The following NR1D2 variants were observed in gnomAD, a reference collection of about 807,000 sequenced individuals.
NR1D2 encodes nuclear receptor subfamily 1 group D member 2.
A neutral mutation model predicts 52.2 loss-of-function variants in NR1D2; 25 were observed. The observed-to-expected ratio is 0.48, with a 90% CI of 0.35 to 0.67. The LOEUF (loss-of-function observed/expected upper bound fraction) is 0.67. Among genes scored for constraint, NR1D2 ranks in the 30% least tolerant of loss-of-function variants. NR1D2 has a pLI of 0.01. For missense variants in NR1D2, 681 were observed against 707.2 expected (o/e 0.96, Z 0.42); for synonymous variants, 259 against 230.1 (o/e 1.13, Z -1.14).
intron 1 of NR1D2, among the ~76,000 whole-genome samples, chr3:23,945,824 G>GGCCCC (rs1312889418): frequency 1.3e-5 from 2 of 150,510 alleles, no homozygotes; most frequent in African/African-American, 4.9e-5. Flanking sequence ...CGCCCGGCCC[G>GGCCCC]GCCCCCCCCT....
chr3:23,946,156 G>T, intron 1 of NR1D2: 1 of 985,168 alleles, frequency 1.0e-6, no homozygotes, highest in Non-Finnish European at 1.2e-6. Flanking sequence ...CTGCGGAGGA[G>T]GCCGCGCGTG....
chr3:23,954,718 C>G lies in NR1D2; in HGVS notation c.198C>G (p.Ile66Met). ...GTGATCTCGCCAATATTGAAGGCAT[C>G]TTGAAGAATGATCGAATAGATTGTT... ...KNGDLANIEG[I>M]LKNDRIDCSM... The change falls in exon 2 of 8, where the codon ATC becomes ATG. Residue 66 changes from isoleucine (I) to methionine (M), a missense_variant. Physicochemically the swap from Ile to Met is conservative, Grantham distance 10 (BLOSUM62 1). Transcript: ENST00000312521. 6.2e-7 allele frequency: 1 copy of G among 1,614,046 alleles called. No individual in the cohort carries two copies. Among genetic ancestry groups the G allele is most frequent in the South Asian group, 1.1e-5 (1 of 91,084 alleles).
chr3:23,958,936 A>C (rs1706159013), intron 3 of NR1D2, among the ~76,000 whole-genome samples: 1 of 152,204 alleles, frequency 6.6e-6, no homozygotes, highest in East Asian at 1.9e-4. Context: ...GCTACAGAGC[A>C]AGAGTCTGTC....
Position 23,968,020 on chromosome 3 carries a change from G to A in NR1D2, c.1540G>A (p.Ala514Thr). Reference sequence around the variant, plus strand: ...GTTTACAGCTGTTGTCCTGGTATCTGCAGGTAAGCAAGCTGGTTCAAAATT... The same window carrying A: ...GTTTACAGCTGTTGTCCTGGTATCTACAGGTAAGCAAGCTGGTTCAAAATT... Reference protein sequence around the residue: ...SLFTAVVLVSADRSGIENVNS... With the variant: ...SLFTAVVLVSTDRSGIENVNS... Residue 514 changes from alanine (A) to threonine (T), a missense_variant, in exon 7 of 8, where the codon GCA (alanine) becomes ACA (threonine). Transcript: ENST00000312521. 1 of 1,613,792 alleles carries A rather than the reference G, an allele frequency of 6.2e-7. No individual in the cohort carries two copies. Among genetic ancestry groups the A allele is most frequent in the Non-Finnish European group, 8.5e-7 (1 of 1,179,670 alleles).
At chr3:23,970,828 C>G (rs1706568101) in intron 7 of NR1D2, among the ~76,000 whole-genome samples, 1 of 152,112 alleles carries the variant, frequency 6.6e-6, no homozygotes, top group African/African-American at 2.4e-5. Flanking sequence ...GCTGCCCAGG[C>G]TGGAGTGCAA....
At chr3:23,947,407 C>G (rs1417165931) in intron 1 of NR1D2, among the ~76,000 whole-genome samples, 1 of 152,152 alleles carries the variant, frequency 6.6e-6, no homozygotes, top group Admixed American at 6.5e-5. Context: ...TCTCTTTGTC[C>G]TTGCCCAGCA....
rs368619627 is a variant in NR1D2, at chr3:23,965,203, T to C, written c.1332+41T>C. Reference sequence around the variant, plus strand: ...CCTGAATATTGATGCAGGCAGGGCATGTAGTATTTTATTTTCATGGATGTT... The same window carrying C: ...CCTGAATATTGATGCAGGCAGGGCACGTAGTATTTTATTTTCATGGATGTT... On this transcript the variant is annotated intron_variant, in intron 6 of 7. Transcript: ENST00000312521. 3.7e-5 allele frequency: 50 copies of C among 1,335,258 alleles called. No individual in the cohort carries two copies. The African/African-American group carries it at 7.3e-4, about 20-fold the overall frequency. The allele number at this position is 1,335,258 out of a possible 1,614,324, so 82.7% of individuals were successfully genotyped here.
rs371267256 is a variant in NR1D2 at position 23,965,235 on chromosome 3, C to CTTT, written c.1332+93_1332+95dup. ...TTTTATTTTCATGGATGTTTTAATTCTTTTTTTTTTTTTTTTTTTTTTGAG... is the reference window on the plus strand; with the variant it reads ...TTTTATTTTCATGGATGTTTTAATTCTTTTTTTTTTTTTTTTTTTTTTTTTGAG... On this transcript the variant is annotated intron_variant, in intron 6 of 7. Transcript: ENST00000312521. 4.9e-3 allele frequency: 1,503 copies of CTTT among 308,672 alleles called. 4 individuals carry two copies. Among genetic ancestry groups the CTTT allele is most frequent in the African/African-American group, 7.0e-3 (186 of 26,716 alleles). The allele number at this position is 308,672 out of a possible 1,614,324, so 19.1% of individuals were successfully genotyped here.
chr3:23,969,234 C>T (rs1391444871), intron 7 of NR1D2, among the ~76,000 whole-genome samples: 2 of 151,566 alleles, frequency 1.3e-5, no homozygotes, highest in South Asian at 2.1e-4. Flanking sequence ...GGCCGTGAGC[C>T]GAGATCACAC....
chr3:23,945,462 G>A lies in NR1D2; in HGVS notation c.-117G>A, dbSNP rs1233734775. On this transcript the variant is annotated 5_prime_UTR_variant, in exon 1 of 8. Coordinates refer to ENST00000312521, the MANE Select transcript of NR1D2 (RefSeq NM_005126.5). ...GGAGCCCCGCCCGCTCTGCCCATGA[G>A]GGGGCCCCGCGACCACCGCTGCTTC... is the stretch of plus-strand genomic sequence containing the variant. 4.6e-5 allele frequency: 23 copies of A among 501,270 alleles called. No individual in the cohort carries two copies. The highest frequency in any genetic ancestry group is 1.7e-4 in the South Asian group (2 of 11,986). The allele number at this position is 501,270 out of a possible 1,614,324, so 31.1% of individuals were successfully genotyped here. A position where few individuals can be genotyped will look rare whatever the true frequency, so the allele number is the denominator to read the frequency against.
At chr3:23,950,903 T>TTTTTTTTTTTTTTTTTTTTTC (rs1705911114) in intron 1 of NR1D2, among the ~76,000 whole-genome samples, 1 of 73,296 alleles carries the variant, frequency 1.4e-5, no homozygotes, top group Non-Finnish European at 2.7e-5. Context: ...TTTCTTTTTC[T>TTTTTTTTTTTTTTTTTTTTTC]TTTTTTTTTT....
chr3:23,950,232 G>GTT (rs1348410471), intron 1 of NR1D2, among the ~76,000 whole-genome samples: 2 of 152,222 alleles, frequency 1.3e-5, no homozygotes. Context: ...AGACCACTCA[G>GTT]GTTTAGAAAG....
In NR1D2 at chr3:23,969,050, T is replaced by C. The variant is rs142709131; in HGVS notation, c.1543+1027T>C. Among the ~76,000 whole-genome samples, 941 of 152,192 alleles carry C rather than the reference T, an allele frequency of 6.2e-3. 8 individuals carry two copies. The highest frequency in any genetic ancestry group is 0.021 in the African/African-American group (880 of 41,538). Reference sequence around the variant, plus strand: ...CTGTAATCCCAGCACTTTGGGAGGCTGAGGTGGGTGGATCACCTGAGGTCA... The same window carrying C: ...CTGTAATCCCAGCACTTTGGGAGGCCGAGGTGGGTGGATCACCTGAGGTCA... On this transcript the variant is annotated intron_variant, in intron 7 of 7. Coordinates refer to ENST00000312521, the MANE Select transcript of NR1D2 (RefSeq NM_005126.5).
intron 1 of NR1D2, among the ~76,000 whole-genome samples, chr3:23,947,235 T>G (rs984292864): frequency 1.3e-5 from 2 of 152,216 alleles, no homozygotes; most frequent in African/African-American, 4.8e-5. Context: ...AGTAACCTCA[T>G]AAGGGCTGGC....
chr3:23,957,384 A>G lies in NR1D2; in HGVS notation c.372+1259A>G, dbSNP rs1308626706. The stretch of plus-strand genomic sequence containing the variant: ...TGTTTAAAAAAGATTCTCCTTCTCT[A>G]TATATCTTTTTTTTTTTTTTTTTTT... On this transcript the variant is annotated intron_variant, in intron 3 of 7. Coordinates refer to ENST00000312521, the MANE Select transcript of NR1D2 (RefSeq NM_005126.5). Among the ~76,000 whole-genome samples the G allele has an allele frequency of 2.3e-4, 27 of 118,134 alleles. No individual in the cohort carries two copies. In the East Asian group the frequency reaches 6.2e-3, roughly 27 times the overall value. 77.5% of individuals were successfully genotyped at this position (118,134 alleles called of 152,430 possible).
intron 7 of NR1D2, 61 bp downstream of exon 7, chr3:23,968,084 A>T: frequency 2.2e-6 from 3 of 1,333,472 alleles, no homozygotes; most frequent in Non-Finnish European, 3.2e-6. Flanking sequence ...TGGGGAGAAG[A>T]TGGCAGTTAA....
At chr3:23,952,513 C>G (rs1468444677) in intron 1 of NR1D2, among the ~76,000 whole-genome samples, 5 of 151,664 alleles carry the variant, frequency 3.3e-5, no homozygotes, top group African/African-American at 7.3e-5. Flanking sequence ...AGTTCGTGAC[C>G]AGCCTGGGCA....
At chr3:23,963,115 G>T (rs1424418419) in intron 5 of NR1D2, 1 of 365,508 alleles carries the variant, frequency 2.7e-6, no homozygotes, top group African/African-American at 2.2e-5. Context: ...AATTTCATAG[G>T]CTAATTTCTA....
At chr3:23,958,066 C>T (rs1706133709) in intron 3 of NR1D2, among the ~76,000 whole-genome samples, 1 of 152,192 alleles carries the variant, frequency 6.6e-6, no homozygotes. Context: ...TCTTTGGAGA[C>T]CTATCACAGA....
Sources: gnomAD v4.1 joint callset for allele counts (sites outside exome capture counted in the v4.1 genomes callset) on GRCh38, gnomAD v4.1.1 for gene constraint, MANE v1.5 for transcripts, NCBI Gene and HGNC (gene_info 2026-07-23, HGNC 2026-07-21) for gene names.